The following AVEN variants were observed in gnomAD, a reference collection of about 807,000 sequenced individuals.
The protein encoded by AVEN is cell death regulator Aven.
A neutral mutation model predicts 38.1 loss-of-function variants in AVEN; 41 were observed. The ratio of observed to expected loss-of-function variants is 1.08; its 90% CI spans 0.84 to 1.40. The LOEUF (loss-of-function observed/expected upper bound fraction) is 1.40. Ranked by LOEUF, AVEN falls within the 40% of genes most tolerant of loss-of-function variation. The pLI is 0.00. For missense variants in AVEN, 605 were observed against 438.8 expected, an observed-to-expected ratio of 1.38 and a Z score of -3.38; for synonymous variants, 206 against 171.8, an observed-to-expected ratio of 1.20 and a Z score of -1.56.
chr15:34,017,339 C>T (rs1460254402), intron 1 of AVEN, among the ~76,000 whole-genome samples: 7 of 152,164 alleles, frequency 4.6e-5, no homozygotes, highest in Admixed American at 4.6e-4. Flanking sequence ...TAAAGTTAAG[C>T]AGATTCCCCA....
chr15:33,909,442 C>T (rs1892837242), intron 2 of AVEN, among the ~76,000 whole-genome samples: 1 of 152,160 alleles, frequency 6.6e-6, no homozygotes, highest in Non-Finnish European at 1.5e-5. Context: ...TGGGTTAATA[C>T]TCATAACCAG....
intron 2 of AVEN, among the ~76,000 whole-genome samples, chr15:33,962,919 CAAAAAAAAAAAAAAAAAAAAAAAA>C (rs57807791): frequency 1.2e-5 from 1 of 81,948 alleles, no homozygotes; most frequent in African/African-American, 5.4e-5. Flanking sequence ...AACTCGTTCT[CAAAAAAAAAAAAAAAAAAAAAAAA>C]AAAAAAAAAA....
At chr15:34,007,197 A>AT (rs1897394465) in intron 1 of AVEN, 2 of 317,240 alleles carry the variant, frequency 6.3e-6, no homozygotes, top group South Asian at 1.2e-4. Context: ...ACAAATTGAG[A>AT]TTTTCAACTA....
chr15:34,060,737 C>A (rs1900305601), intron 5 of AVEN, among the ~76,000 whole-genome samples: 1 of 152,128 alleles, frequency 6.6e-6, no homozygotes, highest in South Asian at 2.1e-4. Flanking sequence ...ATTAGCCAGG[C>A]TTGGTGGCTG....
At chr15:33,864,175 G>C, downstream of AVEN, 1 of 1,611,764 alleles carries the variant, frequency 6.2e-7, no homozygotes, top group Non-Finnish European at 8.5e-7. Context: ...AGATGAAACA[G>C]AGCACACGGG....
chr15:34,020,603 C>G, intron 1 of AVEN, among the ~76,000 whole-genome samples: 1 of 152,316 alleles, frequency 6.6e-6, no homozygotes, highest in Middle Eastern at 3.4e-3. Context: ...ACTGCACTTT[C>G]ATTAGTACTT....
intron 2 of AVEN, among the ~76,000 whole-genome samples, chr15:33,912,014 A>G (rs183119236): frequency 5.1e-4 from 78 of 152,356 alleles, no homozygotes; most frequent in African/African-American, 1.6e-3. Flanking sequence ...TGTGTCATCT[A>G]TATATTCCCT....
chr15:34,049,888 CTT>C (rs61235689), intron 5 of AVEN, among the ~76,000 whole-genome samples: 21 of 137,052 alleles, frequency 1.5e-4, no homozygotes, highest in East Asian at 1.1e-3. Flanking sequence ...TCAACATCAA[CTT>C]TTTTTTTTTT....
intron 2 of AVEN, among the ~76,000 whole-genome samples, chr15:33,968,542 A>G (rs765811876): frequency 5.3e-5 from 8 of 152,130 alleles, no homozygotes; most frequent in Non-Finnish European, 1.0e-4. Context: ...ATAAAGCCGT[A>G]CTTCCTTCTG....
At chr15:33,865,443 A>G (rs1480468950), downstream of AVEN, 1 of 493,780 alleles carries the variant, frequency 2.0e-6, no homozygotes, top group East Asian at 3.1e-5. Context: ...ATGTCGAAGA[A>G]GGAAGGCGAA....
intron 1 of AVEN, among the ~76,000 whole-genome samples, chr15:34,017,190 G>A (rs576247832): frequency 1.3e-5 from 2 of 151,618 alleles, no homozygotes; most frequent in East Asian, 1.9e-4. Context: ...CCAACCACCC[G>A]TCTCAAATCC....
At chr15:33,875,607 CAA>C (rs931385638) in intron 3 of AVEN, among the ~76,000 whole-genome samples, 4 of 152,146 alleles carry the variant, frequency 2.6e-5, no homozygotes, top group East Asian at 1.9e-4. Flanking sequence ...AGGGAATTGT[CAA>C]AGCGTGGCAA....
intron 2 of AVEN, chr15:33,991,539 CAA>C (rs1597322491): frequency 1.3e-5 from 2 of 150,896 alleles, no homozygotes; most frequent in East Asian, 3.9e-4. Flanking sequence ...TGAGGATGCT[CAA>C]ATGAAATGTC....
At chr15:33,927,607 C>T (rs960494225) in intron 2 of AVEN, among the ~76,000 whole-genome samples, 1 of 152,116 alleles carries the variant, frequency 6.6e-6, no homozygotes, top group Non-Finnish European at 1.5e-5. Flanking sequence ...CTTGCACAGG[C>T]CCCTTCCAAG....
intron 2 of AVEN, among the ~76,000 whole-genome samples, chr15:33,918,100 CTTT>C (rs1317403401): frequency 6.7e-6 from 1 of 148,698 alleles, no homozygotes; most frequent in Non-Finnish European, 1.5e-5. Flanking sequence ...CTTTTTTCTA[CTTT>C]TTATTTTGTT....
At chr15:34,018,805 T>C (rs997096861) in intron 1 of AVEN, among the ~76,000 whole-genome samples, 3 of 152,212 alleles carry the variant, frequency 2.0e-5, no homozygotes, top group African/African-American at 7.2e-5. Context: ...TTGGTGCATT[T>C]ACAATCATTT....
chr15:33,961,812 C>A (rs1436938094), intron 2 of AVEN, among the ~76,000 whole-genome samples: 27 of 71,962 alleles, frequency 3.8e-4, no homozygotes, highest in Middle Eastern at 9.8e-3. Flanking sequence ...GACTCTGTCT[C>A]AAAAAAAAAA....
rs557499853 is a variant in AVEN at position 33,866,567 on chromosome 15, G to C, written c.*46C>G. ...AAGGACAGCCTTATGCCCACCTGCC[G>C]TTAGAAGGCAACCAAGATTTGCTTC... On this transcript the variant is annotated 3_prime_UTR_variant, in exon 6 of 6. Transcript: ENST00000306730. The C allele has an allele frequency of 1.4e-6, 2 of 1,479,496 alleles. No homozygotes were observed. The highest frequency in any genetic ancestry group is 1.9e-6 in the Non-Finnish European group (2 of 1,060,196). The allele number at this position is 1,479,496 out of a possible 1,614,324, so 91.6% of individuals were successfully genotyped here.
At chr15:33,966,318 G>C (rs1193080335) in intron 2 of AVEN, among the ~76,000 whole-genome samples, 1 of 152,128 alleles carries the variant, frequency 6.6e-6, no homozygotes, top group African/African-American at 2.4e-5. Flanking sequence ...TGTATTAAAT[G>C]GTGATAATCA....
Sources: gnomAD v4.1 joint callset for allele counts (sites outside exome capture counted in the v4.1 genomes callset) on GRCh38, gnomAD v4.1.1 for gene constraint, MANE v1.5 for transcripts, NCBI Gene and HGNC (gene_info 2026-07-23, HGNC 2026-07-21) for gene names.